OR5K3: variants seen among roughly 807,000 people sequenced by gnomAD.
OR5K3 encodes olfactory receptor 5K3.
For synonymous variants in OR5K3, 178 were observed against 132.6 expected (o/e 1.34, Z -2.35); for missense variants, 498 against 383.2 (o/e 1.30, Z -2.50).
Position 98,390,931 on chromosome 3 carries a change from A to G in OR5K3, c.266A>G (p.Asp89Gly). The change falls in exon 1 of 1, where the codon GAC becomes GGC. Residue 89 changes from aspartate (D) to glycine (G), a missense_variant. Coordinates refer to ENST00000383695, the MANE Select transcript of OR5K3 (RefSeq NM_001005516.1). The stretch of plus-strand genomic sequence containing the variant: ...ATGTTAGAGAACTTCTTTTCTGAGG[A>G]CAAAAGGATTACCCTGTATGAATGT... ...PKMLENFFSE[D>G]KRITLYECMA... is the part of the protein sequence containing the mutation. The G allele has an allele frequency of 6.2e-7, 1 of 1,614,206 alleles. No individual in the cohort carries two copies. The highest frequency in any genetic ancestry group is 8.5e-7 in the Non-Finnish European group (1 of 1,180,038).
rs768606846 is a variant in OR5K3 at position 98,390,731 on chromosome 3, G to A, written c.66G>A (p.Lys22=). The A allele has an allele frequency of 3.7e-6, 6 of 1,614,028 alleles. No homozygotes were observed. The South Asian group carries it at 6.6e-5, about 18-fold the overall frequency. ...TCACAGGATTTACATATCATCCAAA[G>A]CTGAAGACTGTTCTGTTTGTGGTGT... ...FILTGFTYHP[K]LKTVLFVVFF... Residue 22 remains lysine (K), a synonymous_variant, in exon 1 of 1, where the codon AAG becomes AAA. Coordinates refer to ENST00000383695, the MANE Select transcript of OR5K3 (RefSeq NM_001005516.1).
At position 98,391,533 on chromosome 3, in the gene OR5K3, C is replaced by T. The variant is rs759160895; in HGVS notation, c.868C>T (p.Leu290=). The T allele has an allele frequency of 3.1e-5, 44 of 1,405,552 alleles. No individual in the cohort carries two copies. Among genetic ancestry groups the T allele is most frequent in the Non-Finnish European group, 4.1e-5 (42 of 1,035,920 alleles). 87.1% of individuals were successfully genotyped at this position (1,405,552 alleles called of 1,614,324 possible). The stretch of plus-strand genomic sequence containing the variant: ...TTTATTAAATCCTTTTATTTATAGC[C>T]TAAGAAATAAGGAAGTAATAAATAT... ...IPLLNPFIYS[L]RNKEVINIMK... Residue 290 remains leucine (L), a synonymous_variant, in exon 1 of 1, where the codon CTA becomes TTA. Coordinates refer to ENST00000383695, the MANE Select transcript of OR5K3 (RefSeq NM_001005516.1).
rs775686137 is a variant in OR5K3, at chr3:98,391,269, T to C, written c.604T>C (p.Leu202=). The C allele has an allele frequency of 1.2e-6, 2 of 1,609,150 alleles. No homozygotes were observed. Among genetic ancestry groups the C allele is most frequent in the Non-Finnish European group, 1.7e-6 (2 of 1,176,006 alleles). ...TATCAATGAATTGGTGTTATTTATCTTGGCAGGATCAATTCAAATCTTTAC... is the reference window on the plus strand; with the variant it reads ...TATCAATGAATTGGTGTTATTTATCCTGGCAGGATCAATTCAAATCTTTAC... ...PYINELVLFI[L]AGSIQIFTIV... The change falls in exon 1 of 1, where the codon TTG becomes CTG. Residue 202 remains leucine, a synonymous_variant. Coordinates refer to ENST00000383695, the MANE Select transcript of OR5K3 (RefSeq NM_001005516.1).
In OR5K3 at chr3:98,391,169, C is replaced by G. The variant is rs570461806; in HGVS notation, c.504C>G (p.Phe168Leu). 7 of 1,613,902 alleles carry G rather than the reference C, an allele frequency of 4.3e-6. No individual in the cohort carries two copies. The highest frequency in any genetic ancestry group is 1.3e-5 in the African/African-American group (1 of 74,918). Residue 168 changes from phenylalanine (F) to leucine (L), a missense_variant, in exon 1 of 1, where the codon TTC becomes TTG. Physicochemically the swap from Phe to Leu is conservative, Grantham distance 22. Transcript: ENST00000383695. The stretch of plus-strand genomic sequence containing the variant: ...TAGAGTTTCTGTTGAGGTTAACTTT[C>G]TGTGGGTCTCATCAAATCAATCATT... ...IEVEFLLRLT[F>L]CGSHQINHFF...
rs768656179 is a variant in OR5K3 at position 98,390,792 on chromosome 3, A to G, written c.127A>G (p.Ile43Val). 5.6e-6 allele frequency: 9 copies of G among 1,614,060 alleles called. No homozygotes were observed. The highest frequency in any genetic ancestry group is 6.8e-6 in the Non-Finnish European group (8 of 1,180,012). Residue 43 changes from isoleucine (I) to valine (V), a missense_variant, in exon 1 of 1, where the codon ATT (isoleucine) becomes GTT (valine). Ile to Val is a conservative substitution (Grantham distance 29). Transcript: ENST00000383695. Reference protein sequence around the residue: ...AIYLITMVGNIGLVALIYIEQ... With the variant: ...AIYLITMVGNVGLVALIYIEQ... ...CTATCTGATCACCATGGTGGGGAAC[A>G]TTGGTTTGGTGGCATTGATTTATAT...
rs769094607 is a variant in OR5K3 at position 98,390,870 on chromosome 3, A to G, written c.205A>G (p.Met69Val). 6.2e-7 allele frequency: 1 copy of G among 1,614,252 alleles called. No homozygotes were observed. The highest frequency in any genetic ancestry group is 8.5e-7 in the Non-Finnish European group (1 of 1,180,034). ...CATATTTTTAGGCAACCTAGTTCTG[A>G]TGGATTCCTGCTGTTCCTCTGCTAT... ...MYIFLGNLVLMDSCCSSAITP... is the reference protein window; with the variant it reads ...MYIFLGNLVLVDSCCSSAITP... The change falls in exon 1 of 1, where the codon ATG becomes GTG. Residue 69 changes from methionine (M) to valine (V), a missense_variant. Physicochemically the swap from Met to Val is conservative, Grantham distance 21. Transcript: ENST00000383695.
In OR5K3 at chr3:98,390,833, C is replaced by T. The variant is rs1245862832; in HGVS notation, c.168C>T (p.His56=). 1 of 1,614,228 alleles carries T rather than the reference C, an allele frequency of 6.2e-7. No homozygotes were observed. The highest frequency in any genetic ancestry group is 2.2e-5 in the East Asian group (1 of 44,888). Residue 56 remains histidine (H), a synonymous_variant, in exon 1 of 1, where the codon CAC becomes CAT. Transcript: ENST00000383695. ...TGATTTATATAGAGCAACGTCTTCA[C>T]ACACCAATGTACATATTTTTAGGCA... The part of the protein sequence containing the change: ...VALIYIEQRL[H]TPMYIFLGNL...
rs367625298 is a variant in OR5K3, at chr3:98,391,610, G to A, written c.945G>A (p.Met315Ile). Residue 315 changes from methionine to isoleucine, a missense_variant, in exon 1 of 1, where the codon ATG (methionine) becomes ATA (isoleucine). By Grantham distance (10) the Met-to-Ile change is conservative. Transcript: ENST00000383695. ...KRKFCHILKQMSSPLAT is the reference protein window; with the variant it reads ...KRKFCHILKQISSPLAT ...AATTTTGTCACATTCTGAAACAAAT[G>A]TCATCCCCTCTGGCAACTTGATAAT... The A allele has an allele frequency of 9.1e-6, 13 of 1,425,918 alleles. No individual in the cohort carries two copies. The African/African-American group carries it at 1.9e-4, about 21-fold the overall frequency. 88.3% of individuals were successfully genotyped at this position (1,425,918 alleles called of 1,614,324 possible). A position where few individuals can be genotyped will look rare whatever the true frequency, so the allele number is the denominator to read the frequency against.
At position 98,390,711 on chromosome 3, in the gene OR5K3, G is replaced by C. The variant is rs752948080; in HGVS notation, c.46G>C (p.Gly16Arg). Residue 16 changes from glycine to arginine, a missense_variant, in exon 1 of 1, where the codon GGA (glycine) becomes CGA (arginine). Physicochemically the swap from Gly to Arg is moderately radical, Grantham distance 125. Coordinates refer to ENST00000383695, the MANE Select transcript of OR5K3 (RefSeq NM_001005516.1). ...CTTGATAGCTGAGTTCATCCTCACA[G>C]GATTTACATATCATCCAAAGCTGAA... is the stretch of plus-strand genomic sequence containing the variant. The part of the protein sequence containing the change: ...HSLIAEFILT[G>R]FTYHPKLKTV... 1 of 1,614,074 alleles carries C rather than the reference G, an allele frequency of 6.2e-7. No homozygotes were observed. The highest frequency in any genetic ancestry group is 1.1e-5 in the South Asian group (1 of 91,076).
rs144775615 is a variant in OR5K3, at chr3:98,390,729, A to C, written c.64A>C (p.Lys22Gln). Reference protein sequence around the residue: ...FILTGFTYHPKLKTVLFVVFF... With the variant: ...FILTGFTYHPQLKTVLFVVFF... ...CCTCACAGGATTTACATATCATCCA[A>C]AGCTGAAGACTGTTCTGTTTGTGGT... is the stretch of plus-strand genomic sequence containing the variant. Residue 22 changes from lysine to glutamine, a missense_variant, in exon 1 of 1, where the codon AAG (lysine) becomes CAG (glutamine). By Grantham distance (53) the Lys-to-Gln change is moderately conservative. Coordinates refer to ENST00000383695, the MANE Select transcript of OR5K3 (RefSeq NM_001005516.1). The C allele has an allele frequency of 2.8e-4, 456 of 1,614,172 alleles. 4 individuals carry two copies. In the African/African-American group the frequency reaches 5.6e-3, roughly 20 times the overall value.
rs1707457420 is a variant in OR5K3 at position 98,390,775 on chromosome 3, T to TGGG, written c.110_111insGGG (p.Ile37delinsMetGly). On this transcript the variant is annotated protein_altering_variant, in exon 1 of 1. Coordinates refer to ENST00000383695, the MANE Select transcript of OR5K3 (RefSeq NM_001005516.1). ...GTGGTGTTCTTTGCCATCTATCTGATCACCATGGTGGGGAACATTGGTTTG... is the reference window on the plus strand; with the variant it reads ...GTGGTGTTCTTTGCCATCTATCTGATGGGCACCATGGTGGGGAACATTGGTTTG... The TGGG allele has an allele frequency of 3.1e-6, 5 of 1,614,078 alleles. No individual in the cohort carries two copies. Among genetic ancestry groups the TGGG allele is most frequent in the African/African-American group, 1.3e-5 (1 of 74,938 alleles).
In OR5K3 at chr3:98,390,967, T is replaced by A. The variant is rs999449359; in HGVS notation, c.302T>A (p.Phe101Tyr). 1 of 1,614,106 alleles carries A rather than the reference T, an allele frequency of 6.2e-7. No homozygotes were observed. Among genetic ancestry groups the A allele is most frequent in the Non-Finnish European group, 8.5e-7 (1 of 1,180,046 alleles). Residue 101 changes from phenylalanine to tyrosine, a missense_variant, in exon 1 of 1, where the codon TTT (phenylalanine) becomes TAT (tyrosine). Physicochemically the swap from Phe to Tyr is conservative, Grantham distance 22. Transcript: ENST00000383695. ...ACCCTGTATGAATGTATGGCACAATTTTATTTTCTCTGTCTTGCTGAAACT... is the reference window on the plus strand; with the variant it reads ...ACCCTGTATGAATGTATGGCACAATATTATTTTCTCTGTCTTGCTGAAACT... The part of the protein sequence containing the change: ...RITLYECMAQ[F>Y]YFLCLAETTD...
chr3:98,390,935 A>G lies in OR5K3; in HGVS notation c.270A>G (p.Lys90=). The change falls in exon 1 of 1, where the codon AAA becomes AAG. Residue 90 remains lysine, a synonymous_variant. Coordinates refer to ENST00000383695, the MANE Select transcript of OR5K3 (RefSeq NM_001005516.1). ...KMLENFFSED[K]RITLYECMAQ... ...TAGAGAACTTCTTTTCTGAGGACAA[A>G]AGGATTACCCTGTATGAATGTATGG... The G allele has an allele frequency of 1.2e-6, 2 of 1,614,178 alleles. No homozygotes were observed. Among genetic ancestry groups the G allele is most frequent in the Non-Finnish European group, 8.5e-7 (1 of 1,180,024 alleles).
rs768261108 is a variant in OR5K3, at chr3:98,391,469, A to C, written c.804A>C (p.Lys268Asn). ...CAGGTGCAGTTAATGAAGGGGATAAAGATATACCTGTTGCTATATTTTATA... is the reference window on the plus strand; with the variant it reads ...CAGGTGCAGTTAATGAAGGGGATAACGATATACCTGTTGCTATATTTTATA... ...ARPGAVNEGD[K>N]DIPVAIFYTL... is the part of the protein sequence containing the mutation. Residue 268 changes from lysine to asparagine, a missense_variant, in exon 1 of 1, where the codon AAA becomes AAC. Physicochemically the swap from Lys to Asn is moderately conservative, Grantham distance 94. Transcript: ENST00000383695. The C allele has an allele frequency of 3.9e-6, 6 of 1,545,402 alleles. No individual in the cohort carries two copies. Among genetic ancestry groups the C allele is most frequent in the Non-Finnish European group, 5.3e-6 (6 of 1,123,198 alleles).
At position 98,391,108 on chromosome 3, in the gene OR5K3, C is replaced by A; in HGVS notation, c.443C>A (p.Ala148Asp). The stretch of plus-strand genomic sequence containing the variant: ...CTCTGCATTCAGATGACTGCAGGAG[C>A]CTACCTAGCTGGCAACCTGCATCCC... ...KTLCIQMTAG[A>D]YLAGNLHPMI... Residue 148 changes from alanine (A) to aspartate (D), a missense_variant, in exon 1 of 1, where the codon GCC (alanine) becomes GAC (aspartate). Physicochemically the swap from Ala to Asp is moderately radical, Grantham distance 126. Transcript: ENST00000383695. The A allele has an allele frequency of 1.2e-6, 2 of 1,614,150 alleles. No homozygotes were observed. Among genetic ancestry groups the A allele is most frequent in the South Asian group, 1.1e-5 (1 of 91,084 alleles).
rs748637614 is a variant in OR5K3 at position 98,391,043 on chromosome 3, A to G, written c.378A>G (p.Ile126Met). 8.7e-6 allele frequency: 14 copies of G among 1,614,098 alleles called. No individual in the cohort carries two copies. In the African/African-American group the frequency reaches 1.9e-4, roughly 22 times the overall value. Residue 126 changes from isoleucine to methionine, a missense_variant, in exon 1 of 1, where the codon ATA becomes ATG. By Grantham distance (10) the Ile-to-Met change is conservative (BLOSUM62 1). Coordinates refer to ENST00000383695, the MANE Select transcript of OR5K3 (RefSeq NM_001005516.1). ...TGGCCTATGACTGCTATGTGGCCAT[A>G]TGCAACCCACTGCAGTACCACACCA... ...AAMAYDCYVA[I>M]CNPLQYHTMM...
In OR5K3 at chr3:98,391,497, T is replaced by C. The variant is rs1559623172; in HGVS notation, c.832T>C (p.Leu278=). 1 of 1,485,644 alleles carries C rather than the reference T, an allele frequency of 6.7e-7. No homozygotes were observed. The highest frequency in any genetic ancestry group is 1.8e-5 in the Admixed American group (1 of 56,484). 92.0% of individuals were successfully genotyped at this position (1,485,644 alleles called of 1,614,324 possible). A position where few individuals can be genotyped will look rare whatever the true frequency, so the allele number is the denominator to read the frequency against. Residue 278 remains leucine, a synonymous_variant, in exon 1 of 1, where the codon TTA becomes CTA. Coordinates refer to ENST00000383695, the MANE Select transcript of OR5K3 (RefSeq NM_001005516.1). ...TATACCTGTTGCTATATTTTATACT[T>C]TAGTTATTCCTTTATTAAATCCTTT... is the stretch of plus-strand genomic sequence containing the variant. ...KDIPVAIFYT[L]VIPLLNPFIY...
Position 98,391,124 on chromosome 3 carries a change from C to A in OR5K3, c.459C>A (p.Asn153Lys). 6.2e-7 allele frequency: 1 copy of A among 1,614,162 alleles called. No individual in the cohort carries two copies. The highest frequency in any genetic ancestry group is 8.5e-7 in the Non-Finnish European group (1 of 1,180,026). ...QMTAGAYLAGNLHPMIEVEFL... is the reference protein window; with the variant it reads ...QMTAGAYLAGKLHPMIEVEFL... ...CTGCAGGAGCCTACCTAGCTGGCAACCTGCATCCCATGATTGAAGTAGAGT... is the reference window on the plus strand; with the variant it reads ...CTGCAGGAGCCTACCTAGCTGGCAAACTGCATCCCATGATTGAAGTAGAGT... The change falls in exon 1 of 1, where the codon AAC becomes AAA. Residue 153 changes from asparagine (N) to lysine (K), a missense_variant. Transcript: ENST00000383695.
Position 98,391,323 on chromosome 3 carries a change from C to T in OR5K3, c.658C>T (p.Leu220Phe), listed in dbSNP as rs1422204969. ...TIVLVSYFYI[L>F]FTIFTMKSKE... ...AGTCTTAGTTTCTTATTTCTACATC[C>T]TTTTCACAATATTTACAATGAAATC... The change falls in exon 1 of 1, where the codon CTT (leucine) becomes TTT (phenylalanine). Residue 220 changes from leucine (L) to phenylalanine (F), a missense_variant. Transcript: ENST00000383695. 2.5e-6 allele frequency: 4 copies of T among 1,609,266 alleles called. No homozygotes were observed. The highest frequency in any genetic ancestry group is 2.2e-5 in the East Asian group (1 of 44,852).
Sources: gnomAD v4.1 joint callset for allele counts on GRCh38, gnomAD v4.1.1 for gene constraint, MANE v1.5 for transcripts, NCBI Gene and HGNC (gene_info 2026-07-23, HGNC 2026-07-21) for gene names.